The following GSK3B variants were observed in gnomAD, a reference collection of about 807,000 sequenced individuals.
The protein encoded by GSK3B is glycogen synthase kinase-3 beta.
In GSK3B, 15 loss-of-function variants were observed where a neutral mutation model predicts 56.4. The observed-to-expected ratio is 0.27, with a 90% CI of 0.18 to 0.41. The LOEUF is 0.41. Among genes scored for constraint, GSK3B ranks in the 10% least tolerant of loss-of-function variants. GSK3B has a pLI of 1.00. For missense variants in GSK3B, 300 were observed against 513.4 expected (o/e 0.58, Z 4.02); for synonymous variants, 181 against 188.9 (o/e 0.96, Z 0.34).
intron 1 of GSK3B, among the ~76,000 whole-genome samples, chr3:120,078,545 C>CTTT (rs66489313): frequency 7.1e-6 from 1 of 140,660 alleles, no homozygotes; most frequent in African/African-American, 2.6e-5. Flanking sequence ...AACTTCTCCT[C>CTTT]TTTTTTTTTT....
chr3:119,860,577 T>C (rs1489781982), intron 9 of GSK3B, among the ~76,000 whole-genome samples: 1 of 152,358 alleles, frequency 6.6e-6, no homozygotes, highest in African/African-American at 2.4e-5. Flanking sequence ...TTATGGCTAA[T>C]TACCTCATGG....
At chr3:119,854,935 C>A (rs540621935) in intron 9 of GSK3B, among the ~76,000 whole-genome samples, 1 of 152,078 alleles carries the variant, frequency 6.6e-6, no homozygotes, top group Non-Finnish European at 1.5e-5. Context: ...TCTGCTCTGA[C>A]CTTAGTTATT....
At chr3:119,928,612 T>TAAAA (rs1160252679) in intron 3 of GSK3B, among the ~76,000 whole-genome samples, 9 of 67,034 alleles carry the variant, frequency 1.3e-4, no homozygotes, top group Non-Finnish European at 2.4e-4. Flanking sequence ...ATCAAAAAAA[T>TAAAA]AAAAAAAAAA....
At chr3:119,865,151 G>A (rs143282654) in intron 8 of GSK3B, among the ~76,000 whole-genome samples, 88 of 151,920 alleles carry the variant, frequency 5.8e-4, no homozygotes, top group African/African-American at 2.1e-3. Context: ...GAAAATTTTC[G>A]TAAAAATATT....
At chr3:120,066,547 C>T (rs1290000511) in intron 1 of GSK3B, among the ~76,000 whole-genome samples, 2 of 152,054 alleles carry the variant, frequency 1.3e-5, no homozygotes, top group Admixed American at 6.5e-5. Flanking sequence ...GCTAAAGAAT[C>T]AAGACTTACC....
At chr3:119,982,146 A>C (rs1365634053) in intron 2 of GSK3B, among the ~76,000 whole-genome samples, 1 of 152,214 alleles carries the variant, frequency 6.6e-6, no homozygotes, top group African/African-American at 2.4e-5. Context: ...GAAAACAAAC[A>C]AACAGAAAGG....
chr3:119,823,437 C>T lies in GSK3B; in HGVS notation c.*3351G>A, dbSNP rs2055446049. ...ATTTTAGACCACTGACGTATCAAAA[C>T]CTGATACTATTAAGAAACTTCGATT... On this transcript the variant is annotated 3_prime_UTR_variant, in exon 11 of 11. Transcript: ENST00000264235. 5.0e-6 allele frequency: 1 copy of T among 198,040 alleles called. No individual in the cohort carries two copies. The highest frequency in any genetic ancestry group is 6.0e-5 in the Admixed American group (1 of 16,548). 12.3% of individuals were successfully genotyped at this position (198,040 alleles called of 1,614,324 possible).
chr3:119,874,174 G>T (rs1453534131), intron 8 of GSK3B, among the ~76,000 whole-genome samples: 1 of 151,992 alleles, frequency 6.6e-6, no homozygotes, highest in Non-Finnish European at 1.5e-5. Context: ...TATAATTCAG[G>T]GGGAAAATGC....
Position 120,002,118 on chromosome 3 carries a change from T to C in GSK3B, c.210A>G (p.Val70=), listed in dbSNP as rs200643730. The change falls in exon 2 of 11, where the codon GTA becomes GTG. Residue 70 remains valine (V), a synonymous_variant. Transcript: ENST00000264235. ...CTGAATCACAAAGTTTGGCTTGATA[T>C]ACCACACCAAATGATCCATTTCCAA... The part of the protein sequence containing the change: ...KVIGNGSFGV[V]YQAKLCDSGE... The C allele has an allele frequency of 1.1e-5, 17 of 1,612,280 alleles. No homozygotes were observed. Among genetic ancestry groups the C allele is most frequent in the South Asian group, 5.5e-5 (5 of 90,806 alleles).
intron 10 of GSK3B, among the ~76,000 whole-genome samples, chr3:119,835,731 T>TA (rs1459165189): frequency 6.6e-5 from 10 of 152,084 alleles, no homozygotes; most frequent in Non-Finnish European, 1.3e-4. Context: ...TGGGTTAAGA[T>TA]AAAGAGAAAA....
chr3:120,070,241 A>C (rs1326301047), intron 1 of GSK3B, among the ~76,000 whole-genome samples: 3 of 38,784 alleles, frequency 7.7e-5, no homozygotes, highest in African/African-American at 1.1e-3. Context: ...AACAAAAAAC[A>C]AAAAAAAAAA....
At chr3:119,885,119 C>T (rs1408034843) in intron 7 of GSK3B, among the ~76,000 whole-genome samples, 1 of 151,942 alleles carries the variant, frequency 6.6e-6, no homozygotes, top group Non-Finnish European at 1.5e-5. Flanking sequence ...CAAAAGGTTC[C>T]TGGAACTGAT....
At chr3:119,910,984 A>G (rs761713875) in intron 6 of GSK3B, among the ~76,000 whole-genome samples, 3 of 152,172 alleles carry the variant, frequency 2.0e-5, no homozygotes, top group Non-Finnish European at 4.4e-5. Context: ...GTTCCACAAC[A>G]TCTGCAGAGA....
chr3:119,944,798 T>G (rs1314644220), intron 3 of GSK3B, among the ~76,000 whole-genome samples: 2 of 152,134 alleles, frequency 1.3e-5, no homozygotes, highest in Non-Finnish European at 2.9e-5. Flanking sequence ...TTCTCATATA[T>G]AATATACATA....
intron 2 of GSK3B, among the ~76,000 whole-genome samples, chr3:120,001,030 T>C (rs918985205): frequency 2.7e-5 from 4 of 148,364 alleles, no homozygotes; most frequent in Non-Finnish European, 5.9e-5. Context: ...GTTCACGCCA[T>C]TCTCCTACTT....
intron 7 of GSK3B, among the ~76,000 whole-genome samples, chr3:119,900,490 T>C (rs897551600): frequency 7.2e-5 from 11 of 152,158 alleles, no homozygotes; most frequent in African/African-American, 2.7e-4. Flanking sequence ...GAAATTCATC[T>C]TACCTTATTT....
intron 8 of GSK3B, among the ~76,000 whole-genome samples, chr3:119,867,311 T>G (rs2056196201): frequency 6.6e-6 from 1 of 152,212 alleles, no homozygotes; most frequent in Admixed American, 6.5e-5. Flanking sequence ...ACATTCTCAT[T>G]ATCTTAGGAC....
In GSK3B at chr3:119,843,311, G is replaced by C; in HGVS notation, c.1139C>G (p.Pro380Arg). The C allele has an allele frequency of 6.2e-7, 1 of 1,611,108 alleles. No individual in the cohort carries two copies. Among genetic ancestry groups the C allele is most frequent in the East Asian group, 2.2e-5 (1 of 44,786 alleles). The change falls in exon 10 of 11, where the codon CCT becomes CGT. Residue 380 changes from proline to arginine, a missense_variant. This residue lies in a region of GSK3B where 88 missense variants were observed against 92.7 expected (regional missense o/e 0.95). Coordinates refer to ENST00000264235, the MANE Select transcript of GSK3B (RefSeq NM_001146156.2). ...NPPLATILIP[P>R]HARIQAAAST... is the part of the protein sequence containing the mutation. Reference sequence around the variant, plus strand: ...AGCAGCTGCTTGAATCCGAGCATGAGGAGGAATAAGGATGGTAGCCAGAGG... The same window carrying C: ...AGCAGCTGCTTGAATCCGAGCATGACGAGGAATAAGGATGGTAGCCAGAGG...
chr3:119,854,950 G>T (rs894686871), intron 9 of GSK3B, among the ~76,000 whole-genome samples: 3 of 152,002 alleles, frequency 2.0e-5, no homozygotes, highest in Admixed American at 6.6e-5. Flanking sequence ...GTTATTTCTT[G>T]CCTTCTGCTA....
Sources: allele counts gnomAD v4.1 joint callset (sites outside exome capture counted in the v4.1 genomes callset), GRCh38; gene constraint gnomAD v4.1.1; regional missense constraint gnomAD v4.1.1; transcripts MANE v1.5; gene names NCBI Gene and HGNC (gene_info 2026-07-23, HGNC 2026-07-21).